Variants in FRMD5 observed in about 807,000 individuals in gnomAD.
FRMD5 encodes the protein FERM domain-containing protein 5.
In FRMD5, 20 loss-of-function variants were observed where a neutral mutation model predicts 69.0. The observed-to-expected ratio is 0.29, with a 90% CI of 0.20 to 0.42. FRMD5 has a LOEUF of 0.42. FRMD5 is among the 10% of genes least tolerant of loss of function. FRMD5 has a pLI of 1.00. For synonymous variants in FRMD5, 271 were observed against 260.1 expected (o/e 1.04, Z -0.40); for missense variants, 595 against 708.6 (o/e 0.84, Z 1.82).
At chr15:43,879,664 T>TC in intron 13 of FRMD5, 1 of 399,064 alleles carries the variant, frequency 2.5e-6, no homozygotes. Flanking sequence ...ATCAGACTCT[T>TC]CCCCATGGTG....
intron 1 of FRMD5, among the ~76,000 whole-genome samples, chr15:43,954,158 G>A (rs1425686146): frequency 6.6e-6 from 1 of 152,210 alleles, no homozygotes; most frequent in African/African-American, 2.4e-5. Context: ...GGGCTATTCA[G>A]TTTGTGCATT....
intron 1 of FRMD5, among the ~76,000 whole-genome samples, chr15:44,011,215 C>CCTCTCTCCCTCCCTTT (rs368028337): frequency 6.6e-6 from 1 of 152,048 alleles, no homozygotes; most frequent in Non-Finnish European, 1.5e-5. Flanking sequence ...TCCCTTTCTT[C>CCTCTCTCCCTCCCTTT]CTTCCTAATA....
intron 1 of FRMD5, among the ~76,000 whole-genome samples, chr15:43,997,872 T>C (rs762459027): frequency 6.6e-6 from 1 of 152,166 alleles, no homozygotes; most frequent in African/African-American, 2.4e-5. Flanking sequence ...CAAAAATATA[T>C]GTTCTTCAAT....
chr15:43,970,278 T>C (rs2090355147), intron 1 of FRMD5, among the ~76,000 whole-genome samples: 1 of 152,226 alleles, frequency 6.6e-6, no homozygotes, highest in South Asian at 2.1e-4. Context: ...TCTTGTTAAC[T>C]GCTCTGCACT....
At chr15:43,923,939 C>G (rs1277116566) in intron 2 of FRMD5, among the ~76,000 whole-genome samples, 1 of 152,210 alleles carries the variant, frequency 6.6e-6, no homozygotes, top group Non-Finnish European at 1.5e-5. Context: ...AACTCCAGCC[C>G]AGCTGCTCTG....
At chr15:44,171,922 C>G (rs1439513402) in intron 1 of FRMD5, among the ~76,000 whole-genome samples, 1 of 151,784 alleles carries the variant, frequency 6.6e-6, no homozygotes, top group African/African-American at 2.4e-5. Context: ...GCCACCATGC[C>G]CCAGCTAATT....
At chr15:44,164,216 A>G (rs1245547513) in intron 1 of FRMD5, among the ~76,000 whole-genome samples, 4 of 152,178 alleles carry the variant, frequency 2.6e-5, no homozygotes, top group Admixed American at 1.3e-4. Context: ...TACTTACTTA[A>G]TGATAGCTTA....
chr15:43,896,631 C>T (rs891082713), intron 7 of FRMD5, among the ~76,000 whole-genome samples: 1 of 152,174 alleles, frequency 6.6e-6, no homozygotes, highest in African/African-American at 2.4e-5. Context: ...CATCTGGCCA[C>T]CATTTCTAGT....
chr15:44,126,002 G>A (rs1451581833), intron 1 of FRMD5, among the ~76,000 whole-genome samples: 1 of 152,158 alleles, frequency 6.6e-6, no homozygotes, highest in Admixed American at 6.5e-5. Flanking sequence ...CCTTTCACTT[G>A]AAGAAATTCC....
intron 1 of FRMD5, among the ~76,000 whole-genome samples, chr15:43,954,134 A>G (rs1230578932): frequency 1.3e-5 from 2 of 152,210 alleles, no homozygotes; most frequent in Non-Finnish European, 2.9e-5. Flanking sequence ...ATTCAATTAA[A>G]TATCATCAGG....
intron 13 of FRMD5, chr15:43,875,936 TATAGGC>T (rs2088342101): frequency 2.4e-6 from 3 of 1,239,816 alleles, no homozygotes; most frequent in Admixed American, 3.4e-5. Context: ...CCATCACACT[TATAGGC>T]AAGGCAAATG....
At chr15:44,156,840 G>A (rs961569136) in intron 1 of FRMD5, among the ~76,000 whole-genome samples, 3 of 152,242 alleles carry the variant, frequency 2.0e-5, no homozygotes, top group Admixed American at 2.0e-4. Context: ...ACTGAGGCAG[G>A]AGGACTGCTC....
intron 1 of FRMD5, among the ~76,000 whole-genome samples, chr15:44,124,300 C>T (rs2076995596): frequency 6.6e-6 from 1 of 150,892 alleles, no homozygotes. Context: ...TATCTTTTTA[C>T]CCAATAATTC....
intron 7 of FRMD5, among the ~76,000 whole-genome samples, chr15:43,898,324 T>C (rs2088963774): frequency 6.6e-6 from 1 of 152,178 alleles, no homozygotes; most frequent in South Asian, 2.1e-4. Flanking sequence ...GTTGGTTCCT[T>C]AGAGGGGACT....
chr15:43,983,031 A>G (rs551391484), intron 1 of FRMD5, among the ~76,000 whole-genome samples: 33 of 152,274 alleles, frequency 2.2e-4, no homozygotes, highest in African/African-American at 7.9e-4. Flanking sequence ...CCCGGGGTCA[A>G]GTGATTCTCC....
intron 1 of FRMD5, among the ~76,000 whole-genome samples, chr15:43,985,415 G>C (rs1889349001): frequency 6.6e-6 from 1 of 151,884 alleles, no homozygotes; most frequent in Non-Finnish European, 1.5e-5. Context: ...TATAAAATGA[G>C]TAGGTTTGAC....
intron 1 of FRMD5, chr15:43,989,090 T>C: frequency 1.1e-6 from 1 of 941,658 alleles, no homozygotes. Flanking sequence ...ATGATGGAGG[T>C]GCCTGACTCA....
chr15:44,132,512 T>G (rs2077116366), intron 1 of FRMD5, among the ~76,000 whole-genome samples: 1 of 152,182 alleles, frequency 6.6e-6, no homozygotes, highest in Non-Finnish European at 1.5e-5. Context: ...CACTGCATCC[T>G]CGACTTCCTG....
intron 1 of FRMD5, among the ~76,000 whole-genome samples, chr15:43,995,843 T>C (rs1279704953): frequency 2.0e-5 from 3 of 152,186 alleles, no homozygotes; most frequent in Middle Eastern, 3.4e-3. Flanking sequence ...GCTTGGAACC[T>C]TGGTCCACAT....
Sources: allele counts gnomAD v4.1 joint callset (sites outside exome capture counted in the v4.1 genomes callset), GRCh38; gene constraint gnomAD v4.1.1; transcripts MANE v1.5; gene names NCBI Gene and HGNC (gene_info 2026-07-23, HGNC 2026-07-21).